NR4A2: variants seen among roughly 807,000 people sequenced by gnomAD.
NR4A2 encodes NGFI-B/nur77 beta-type transcription factor homolog.
A neutral mutation model predicts 50.5 loss-of-function variants in NR4A2; 1 was observed. That is an observed-to-expected ratio of 0.02 (90% CI 0.01 to 0.09). The LOEUF (loss-of-function observed/expected upper bound fraction) is 0.09, where lower values mean the gene tolerates loss of function less well. NR4A2 is among the 10% of genes least tolerant of loss of function. The pLI, the probability that NR4A2 is intolerant of heterozygous loss-of-function variation, is 1.00. For synonymous variants in NR4A2, 328 were observed against 309.4 expected (o/e 1.06, Z -0.63); for missense variants, 613 against 777.3 (o/e 0.79, Z 2.51).
rs16840253 is a variant in NR4A2 at position 156,328,548 on chromosome 2, A to C, written c.865-15T>G. The C allele has an allele frequency of 9.9e-6, 16 of 1,614,074 alleles. No individual in the cohort carries two copies. Among genetic ancestry groups the C allele is most frequent in the Non-Finnish European group, 1.4e-5 (16 of 1,180,040 alleles). On this transcript the variant is annotated splice_polypyrimidine_tract_variant and intron_variant, in intron 3 of 7. Coordinates refer to ENST00000339562, the MANE Select transcript of NR4A2 (RefSeq NM_006186.4). This position sits in a 1 kb window ranked among gnomAD's most constrained non-coding sequence, Gnocchi z 4.9. ...TGCACTGTGCGCTGCAAAAGGAGAC[A>C]ATATAGACCAACATTTTTTTTCTTC...
chr2:156,327,056 A>T, intron 5 of NR4A2, 136 bp from the exon 6 acceptor site: 1 of 807,206 alleles, frequency 1.2e-6, no homozygotes, highest in Non-Finnish European at 2.1e-6. Flanking sequence ...AGGAAATTAG[A>T]TGTTCCGGGG....
chr2:156,326,141 A>G lies in NR4A2; in HGVS notation c.1540+9T>C. 6.2e-7 allele frequency: 1 copy of G among 1,614,250 alleles called. No homozygotes were observed. The highest frequency in any genetic ancestry group is 8.5e-7 in the Non-Finnish European group (1 of 1,180,034). On this transcript the variant is annotated intron_variant, in intron 7 of 7. Coordinates refer to ENST00000339562, the MANE Select transcript of NR4A2 (RefSeq NM_006186.4). This position sits in a 1 kb window ranked among gnomAD's most constrained non-coding sequence, Gnocchi z 4.2. ...TGGAGGGGAAGCGCCCTGCGCCTGC[A>G]GTACTGACCTGTGACCATAGCCAGG...
chr2:156,330,869 G>A, intron 1 of NR4A2, 78 bp from the exon 2 acceptor site: 1 of 1,192,760 alleles, frequency 8.4e-7, no homozygotes, highest in Non-Finnish European at 1.1e-6. Flanking sequence ...TCACCAGGCA[G>A]GCCCTTCCAT....
chr2:156,329,043 C>G lies in NR4A2; in HGVS notation c.864+280G>C, dbSNP rs1377637841. On this transcript the variant is annotated intron_variant, in intron 3 of 7. Transcript: ENST00000339562. This position sits in a 1 kb window ranked among gnomAD's most constrained non-coding sequence, Gnocchi z 7.5. ...GCACATGCAAATGACCCTCTTCCAA[C>G]TCCGGCTCCAGCAACTTCGGGCGGG... is the stretch of plus-strand genomic sequence containing the variant. Among the ~76,000 whole-genome samples, 1 of 152,232 alleles carries G rather than the reference C, an allele frequency of 6.6e-6. No homozygotes were observed. Among genetic ancestry groups the G allele is most frequent in the Non-Finnish European group, 1.5e-5 (1 of 68,040 alleles).
intron 1 of NR4A2, 75 bp downstream of exon 1, chr2:156,332,404 CA>C (rs1686973635): frequency 8.4e-7 from 1 of 1,193,004 alleles, no homozygotes. Flanking sequence ...CTGTCCCACA[CA>C]AGTGGAAAGA....
chr2:156,330,484 G>A (rs1686875525), intron 2 of NR4A2, among the ~76,000 whole-genome samples, 184 bp downstream of exon 2: 3 of 152,128 alleles, frequency 2.0e-5, no homozygotes, highest in African/African-American at 2.4e-5. Context: ...CTTCTCTGAA[G>A]CTCAGATTCA....
At chr2:156,330,446 C>A (rs1488611021) in intron 2 of NR4A2, among the ~76,000 whole-genome samples, 2 of 152,164 alleles carry the variant, frequency 1.3e-5, no homozygotes, top group African/African-American at 2.4e-5. Context: ...CCCTCATACC[C>A]CCCCACTCAT....
rs1686787791 is a variant in NR4A2 at position 156,329,110 on chromosome 2, G to T, written c.864+213C>A. 6.6e-6 allele frequency among the ~76,000 whole-genome samples: 1 copy of T among 152,174 alleles called. No homozygotes were observed. Among genetic ancestry groups the T allele is most frequent in the Admixed American group, 6.5e-5 (1 of 15,278 alleles). ...TGAATGCGAGGGGGATGCGACCCTG[G>T]CCTCCCAGTCTTTCTGCTTCCCTTT... is the stretch of plus-strand genomic sequence containing the variant. On this transcript the variant is annotated intron_variant, in intron 3 of 7. Transcript: ENST00000339562. This position sits in a 1 kb window ranked among gnomAD's most constrained non-coding sequence, Gnocchi z 7.5.
At position 156,324,785 on chromosome 2, in the gene NR4A2, A is replaced by ATAAAC. The variant is rs1686567552; in HGVS notation, c.*954_*958dup. On this transcript the variant is annotated 3_prime_UTR_variant, in exon 8 of 8. Transcript: ENST00000339562. ...CTTTAGACAACAAAATAATCAAGAT[A>ATAAAC]TAAACTTTCTTTTTATCAACATCAA... 6.5e-6 allele frequency: 1 copy of ATAAAC among 152,682 alleles called. No homozygotes were observed. The highest frequency in any genetic ancestry group is 6.5e-5 in the Admixed American group (1 of 15,290). The allele number at this position is 152,682 out of a possible 1,614,324, so 9.5% of individuals were successfully genotyped here.
chr2:156,331,077 G>A (rs1017581874), intron 1 of NR4A2, among the ~76,000 whole-genome samples: 14 of 152,182 alleles, frequency 9.2e-5, no homozygotes, highest in Admixed American at 8.5e-4. Context: ...TAATGAACTG[G>A]CCCCTTTGCT....
In NR4A2 at chr2:156,328,043, C is replaced by T; in HGVS notation, c.995-29G>A. ...CAAAGGAAGAGCCCTGTTAGCGCCGCTTTTCCGAGCCCAGGCCCAGCTGCT... is the reference window on the plus strand; with the variant it reads ...CAAAGGAAGAGCCCTGTTAGCGCCGTTTTTCCGAGCCCAGGCCCAGCTGCT... On this transcript the variant is annotated intron_variant, in intron 4 of 7. Transcript: ENST00000339562. This position sits in a 1 kb window ranked among gnomAD's most constrained non-coding sequence, Gnocchi z 4.9. The T allele has an allele frequency of 6.3e-7, 1 of 1,592,394 alleles. No homozygotes were observed. The highest frequency in any genetic ancestry group is 1.7e-5 in the Admixed American group (1 of 57,760).
Position 156,330,100 on chromosome 2 carries a change from T to A in NR4A2, c.87A>T (p.Glu29Asp). The A allele has an allele frequency of 6.2e-7, 1 of 1,614,180 alleles. No homozygotes were observed. Residue 29 changes from glutamate (E) to aspartate (D), a missense_variant, in exon 3 of 8, where the codon GAA becomes GAT. Glu to Asp is a conservative substitution (Grantham distance 45). This residue lies in a region of NR4A2 where 61 missense variants were observed against 96.4 expected (regional missense o/e 0.63). Coordinates refer to ENST00000339562, the MANE Select transcript of NR4A2 (RefSeq NM_006186.4). Reference sequence around the variant, plus strand: ...CTGGAGTTAAGAAATCGGAGCTGTATTCTCCCGAAGAGTGGTAACTGTAGC... The same window carrying A: ...CTGGAGTTAAGAAATCGGAGCTGTAATCTCCCGAAGAGTGGTAACTGTAGC... ...SQSYSYHSSGEYSSDFLTPEF... is the reference protein window; with the variant it reads ...SQSYSYHSSGDYSSDFLTPEF...
At position 156,328,113 on chromosome 2, in the gene NR4A2, G is replaced by A; in HGVS notation, c.995-99C>T. ...GAAGGCCGCAGCCGCGGGGCACCAG[G>A]CTGAGCGGCTGAGGGCCCCAGTGCT... On this transcript the variant is annotated intron_variant, in intron 4 of 7. Transcript: ENST00000339562. The surrounding 1 kb of genome is among the most constrained non-coding windows in gnomAD (Gnocchi z 4.9). The A allele has an allele frequency of 6.8e-7, 1 of 1,465,820 alleles. No individual in the cohort carries two copies. The highest frequency in any genetic ancestry group is 9.3e-7 in the Non-Finnish European group (1 of 1,071,640). 90.8% of individuals were successfully genotyped at this position (1,465,820 alleles called of 1,614,324 possible).
rs1181814914 is a variant in NR4A2, at chr2:156,324,449, G to T, written c.*1295C>A. Reference sequence around the variant, plus strand: ...AGACAAAATTCTGTTCATTTACATGGTTTATTGTTGTAAACATTAAAATTG... The same window carrying T: ...AGACAAAATTCTGTTCATTTACATGTTTTATTGTTGTAAACATTAAAATTG... On this transcript the variant is annotated 3_prime_UTR_variant, in exon 8 of 8. Coordinates refer to ENST00000339562, the MANE Select transcript of NR4A2 (RefSeq NM_006186.4). The T allele has an allele frequency of 6.6e-6, 1 of 152,046 alleles. No homozygotes were observed. The highest frequency in any genetic ancestry group is 1.5e-5 in the Non-Finnish European group (1 of 67,970). 9.4% of individuals were successfully genotyped at this position (152,046 alleles called of 1,614,324 possible). A position where few individuals can be genotyped will look rare whatever the true frequency, so the allele number is the denominator to read the frequency against.
Position 156,326,247 on chromosome 2 carries a change from T to A in NR4A2, c.1443A>T (p.Glu481Asp), listed in dbSNP as rs1369340664. The A allele has an allele frequency of 6.2e-7, 1 of 1,614,044 alleles. No homozygotes were observed. Among genetic ancestry groups the A allele is most frequent in the Non-Finnish European group, 8.5e-7 (1 of 1,180,034 alleles). Reference protein sequence around the residue: ...HRLQCVRGFGEWIDSIVEFSS... With the variant: ...HRLQCVRGFGDWIDSIVEFSS... ...AGAATTCAACAATGGAATCAATCCA[T>A]TCCCCAAAGCCACGAACGCATTGCA... is the stretch of plus-strand genomic sequence containing the variant. Residue 481 changes from glutamate to aspartate, a missense_variant, in exon 7 of 8, where the codon GAA (glutamate) becomes GAT (aspartate). By Grantham distance (45) the Glu-to-Asp change is conservative. Coordinates refer to ENST00000339562, the MANE Select transcript of NR4A2 (RefSeq NM_006186.4). The surrounding 1 kb of genome is among the most constrained non-coding windows in gnomAD (Gnocchi z 4.2).
chr2:156,328,311 C>G lies in NR4A2; in HGVS notation c.994+93G>C, dbSNP rs1686749898. On this transcript the variant is annotated intron_variant, in intron 4 of 7. Transcript: ENST00000339562. The surrounding 1 kb of genome is among the most constrained non-coding windows in gnomAD (Gnocchi z 4.9). ...GCCATACTGAGGGGGAGTCGGAGAT[C>G]CCCAGCACCGGGAAGTGGAACGTGA... 15 of 1,596,198 alleles carry G rather than the reference C, an allele frequency of 9.4e-6. No individual in the cohort carries two copies. The highest frequency in any genetic ancestry group is 1.3e-5 in the Non-Finnish European group (15 of 1,165,428).
chr2:156,332,514 A>G lies in NR4A2; in HGVS notation c.-161T>C. The G allele has an allele frequency of 7.8e-7, 1 of 1,289,112 alleles. No individual in the cohort carries two copies. The highest frequency in any genetic ancestry group is 1.0e-6 in the Non-Finnish European group (1 of 988,660). The allele number at this position is 1,289,112 out of a possible 1,614,324, so 79.9% of individuals were successfully genotyped here. ...CTCCGCGTCTGTCTTCATTCATTCAACTCTGCCGAAGTGCAGTTCCCTCTG... is the reference window on the plus strand; with the variant it reads ...CTCCGCGTCTGTCTTCATTCATTCAGCTCTGCCGAAGTGCAGTTCCCTCTG... On this transcript the variant is annotated 5_prime_UTR_variant, in exon 1 of 8. Transcript: ENST00000339562.
chr2:156,332,336 C>A, intron 1 of NR4A2, 144 bp downstream of exon 1: 2 of 595,672 alleles, frequency 3.4e-6, no homozygotes, highest in South Asian at 1.6e-5. Context: ...CGCGCACGCA[C>A]TCCCCATCCT....
In NR4A2 at chr2:156,325,892, T is replaced by C. The variant is rs768550680; in HGVS notation, c.1649A>G (p.Asn550Ser). The C allele has an allele frequency of 2.8e-5, 46 of 1,614,096 alleles. No individual in the cohort carries two copies. Among genetic ancestry groups the C allele is most frequent in the South Asian group, 5.5e-5 (5 of 91,084 alleles). ...CTTCCCCAACAGTTTGGACAAATAA[T>C]TGGGGCGGTTCAACCCCCCATTGTT... ...TFNNGGLNRP[N>S]YLSKLLGKLP... Residue 550 changes from asparagine to serine, a missense_variant, in exon 8 of 8, where the codon AAT (asparagine) becomes AGT (serine). Asn to Ser is a conservative substitution (Grantham distance 46, BLOSUM62 1). Transcript: ENST00000339562.
Sources: allele counts gnomAD v4.1 joint callset (sites outside exome capture counted in the v4.1 genomes callset), GRCh38; gene constraint gnomAD v4.1.1; regional missense constraint gnomAD v4.1.1; non-coding constraint Gnocchi (gnomAD v3.1); transcripts MANE v1.5; gene names NCBI Gene and HGNC (gene_info 2026-07-23, HGNC 2026-07-21).